The following PRDM11 variants were observed in gnomAD, a reference collection of about 807,000 sequenced individuals.
PRDM11 encodes PR/SET domain 11, also known as PR domain-containing protein 11.
In PRDM11, 20 loss-of-function variants were observed where a neutral mutation model predicts 97.8. The ratio of observed to expected loss-of-function variants is 0.20; its 90% CI spans 0.14 to 0.30. PRDM11 has a LOEUF of 0.30. Ranked by LOEUF, PRDM11 falls within the 10% of genes least tolerant of loss-of-function variation. The probability of loss-of-function intolerance (pLI) is 1.00; values close to 1 mark genes in which losing one functional copy is unlikely to be tolerated. For synonymous variants in PRDM11, 599 were observed against 637.7 expected (o/e 0.94, Z 0.91); for missense variants, 1,139 against 1,555.2 (o/e 0.73, Z 4.50).
intron 1 of PRDM11, among the ~76,000 whole-genome samples, chr11:45,116,719 A>G (rs904359351): frequency 3.3e-5 from 5 of 152,216 alleles, no homozygotes; most frequent in Admixed American, 6.5e-5. Flanking sequence ...TTGTTATGGC[A>G]GTCCTAGAAA....
chr11:45,129,002 G>C (rs1477557119), intron 1 of PRDM11, among the ~76,000 whole-genome samples: 3 of 152,104 alleles, frequency 2.0e-5, no homozygotes, highest in Admixed American at 2.0e-4. Context: ...TAAGAATGCA[G>C]TTACTTTAAC....
chr11:45,141,996 T>C (rs1052080816), upstream of PRDM11, among the ~76,000 whole-genome samples: 2 of 152,210 alleles, frequency 1.3e-5, no homozygotes, highest in African/African-American at 2.4e-5. Context: ...GGGAATCAGA[T>C]GCTGGGAAGC....
intron 1 of PRDM11, among the ~76,000 whole-genome samples, chr11:45,140,073 C>T (rs1328776864): frequency 6.6e-6 from 1 of 152,088 alleles, no homozygotes; most frequent in Admixed American, 6.6e-5. Context: ...GCTATTATTA[C>T]CCTTGCATAA....
intron 1 of PRDM11, among the ~76,000 whole-genome samples, chr11:45,140,832 A>AC (rs1044409777): frequency 7.2e-5 from 11 of 152,068 alleles, no homozygotes; most frequent in Non-Finnish European, 1.5e-4. Context: ...CCTCTACAAG[A>AC]CTGAGAACAT....
intron 1 of PRDM11, among the ~76,000 whole-genome samples, chr11:45,128,444 C>T (rs543772329): frequency 4.1e-4 from 62 of 152,250 alleles, no homozygotes; most frequent in Admixed American, 3.9e-4. Flanking sequence ...GCGTCGCTCA[C>T]GCTGGAAGCT....
intron 4 of PRDM11, among the ~76,000 whole-genome samples, chr11:45,193,539 A>C (rs1056130218): frequency 6.6e-6 from 1 of 152,240 alleles, no homozygotes; most frequent in African/African-American, 2.4e-5. Flanking sequence ...AGCAGCCATC[A>C]GTGTGCCATG....
chr11:45,173,299 A>C (rs1490332942), intron 1 of PRDM11, among the ~76,000 whole-genome samples: 1 of 152,160 alleles, frequency 6.6e-6, no homozygotes, highest in Non-Finnish European at 1.5e-5. Flanking sequence ...AGAAGCCACC[A>C]GCAGGATCCA....
intron 1 of PRDM11, among the ~76,000 whole-genome samples, chr11:45,148,516 G>C (rs1045357295): frequency 9.9e-5 from 15 of 152,104 alleles, no homozygotes; most frequent in African/African-American, 3.1e-4. Flanking sequence ...AAACTGACAG[G>C]GCCCCAAGGA....
At chr11:45,134,029 A>C (rs180977254) in intron 1 of PRDM11, among the ~76,000 whole-genome samples, 37 of 152,276 alleles carry the variant, frequency 2.4e-4, no homozygotes, top group African/African-American at 8.9e-4. Context: ...AGACTACCCT[A>C]CATCTCTATA....
chr11:45,219,831 C>T lies in PRDM11; in HGVS notation c.742+74C>T. The T allele has an allele frequency of 2.7e-6, 4 of 1,466,012 alleles. No homozygotes were observed. The highest frequency in any genetic ancestry group is 2.2e-5 in the Admixed American group (1 of 45,208). The allele number at this position is 1,466,012 out of a possible 1,614,324, so 90.8% of individuals were successfully genotyped here. A position where few individuals can be genotyped will look rare whatever the true frequency, so the allele number is the denominator to read the frequency against. Reference sequence around the variant, plus strand: ...GAGGCCTGGATAGCTTGTTTTGGAGCTTCCTGAGAAATACGGTTCCCAGCA... The same window carrying T: ...GAGGCCTGGATAGCTTGTTTTGGAGTTTCCTGAGAAATACGGTTCCCAGCA... On this transcript the variant is annotated intron_variant, in intron 6 of 7. Coordinates refer to ENST00000683152, the MANE Select transcript of PRDM11 (RefSeq NM_001384648.1). The surrounding 1 kb of genome is among the most constrained non-coding windows in gnomAD (Gnocchi z 4.2).
At chr11:45,178,634 A>G (rs1229000283) in intron 1 of PRDM11, among the ~76,000 whole-genome samples, 1 of 152,228 alleles carries the variant, frequency 6.6e-6, no homozygotes, top group Non-Finnish European at 1.5e-5. Context: ...CCAGTGAGAT[A>G]TGAAGGGGAA....
At chr11:45,107,873 A>G (rs1291587687) in intron 1 of PRDM11, among the ~76,000 whole-genome samples, 1 of 149,032 alleles carries the variant, frequency 6.7e-6, no homozygotes, top group Admixed American at 6.7e-5. Context: ...TCTGTCACCC[A>G]GGCTGGAGTG....
intron 1 of PRDM11, among the ~76,000 whole-genome samples, chr11:45,121,033 T>C (rs1247121880): frequency 6.6e-6 from 1 of 151,820 alleles, no homozygotes; most frequent in Non-Finnish European, 1.5e-5. Context: ...AAAAAGAACA[T>C]ATAACCACGA....
chr11:45,116,458 T>C (rs536428734), intron 1 of PRDM11, among the ~76,000 whole-genome samples: 3 of 152,292 alleles, frequency 2.0e-5, no homozygotes, highest in East Asian at 3.9e-4. Flanking sequence ...CTGTCAACAA[T>C]AGAATTAAGT....
rs1169042591 is a variant in PRDM11, at chr11:45,111,233, A to G, written c.96+15332A>G. On this transcript the variant is annotated intron_variant, in intron 1 of 6. Transcript: ENST00000530656. Reference sequence around the variant, plus strand: ...ACAATCCATCCCACCCTGTCCCTCCACCACTTCCCCTCCCATCTCTCTCCC... The same window carrying G: ...ACAATCCATCCCACCCTGTCCCTCCGCCACTTCCCCTCCCATCTCTCTCCC... Among the ~76,000 whole-genome samples, 6 of 54,570 alleles carry G rather than the reference A, an allele frequency of 1.1e-4. 2 individuals are homozygous for G. In the East Asian group the frequency reaches 2.0e-3, roughly 19 times the overall value. 35.8% of individuals were successfully genotyped at this position (54,570 alleles called of 152,430 possible).
At chr11:45,176,294 T>C (rs1239708468) in intron 1 of PRDM11, among the ~76,000 whole-genome samples, 1 of 152,076 alleles carries the variant, frequency 6.6e-6, no homozygotes, top group African/African-American at 2.4e-5. Flanking sequence ...GGAGAATCGC[T>C]TGAACCCAGG....
intron 5 of PRDM11, chr11:45,212,797 C>G (rs1346874859): frequency 2.2e-6 from 1 of 456,062 alleles, no homozygotes; most frequent in Admixed American, 2.3e-5. Context: ...ACATGGCCAA[C>G]AGCATGCACG....
chr11:45,103,830 A>G (rs1000606814), intron 1 of PRDM11, among the ~76,000 whole-genome samples: 8 of 151,066 alleles, frequency 5.3e-5, no homozygotes, highest in Non-Finnish European at 1.0e-4. Flanking sequence ...AAGCAATAAC[A>G]CTAATCTACC....
intron 1 of PRDM11, among the ~76,000 whole-genome samples, chr11:45,161,596 G>A (rs891373730): frequency 2.0e-5 from 3 of 152,254 alleles, no homozygotes; most frequent in African/African-American, 7.2e-5. Flanking sequence ...TGCAGGGTGG[G>A]CAGGAGAAGA....
Sources: allele counts gnomAD v4.1 joint callset (sites outside exome capture counted in the v4.1 genomes callset), GRCh38; gene constraint gnomAD v4.1.1; non-coding constraint Gnocchi (gnomAD v3.1); transcripts MANE v1.5; gene names NCBI Gene and HGNC (gene_info 2026-07-23, HGNC 2026-07-21).